The following MGAT5B variants were observed in gnomAD, a reference collection of about 807,000 sequenced individuals.
The protein encoded by MGAT5B is N-acetylglucosaminyl-transferase Vb.
A neutral mutation model predicts 95.1 loss-of-function variants in MGAT5B; 54 were observed. That is an observed-to-expected ratio of 0.57 (90% CI 0.46 to 0.71). MGAT5B has a LOEUF of 0.71. MGAT5B is among the 30% of genes least tolerant of loss of function. The probability of loss-of-function intolerance (pLI) is 0.00; values close to 1 mark genes in which losing one functional copy is unlikely to be tolerated. For synonymous variants in MGAT5B, 464 were observed against 451.0 expected (o/e 1.03, Z -0.36); for missense variants, 935 against 1,088.6 (o/e 0.86, Z 1.99).
chr17:76,875,280 G>A (rs942401040), intron 2 of MGAT5B, among the ~76,000 whole-genome samples: 5 of 152,136 alleles, frequency 3.3e-5, no homozygotes, highest in Non-Finnish European at 7.3e-5. Flanking sequence ...GACCCTGTGG[G>A]AGGTAATTGA....
intron 2 of MGAT5B, among the ~76,000 whole-genome samples, chr17:76,879,040 G>A (rs750716323): frequency 6.6e-6 from 1 of 152,206 alleles, no homozygotes; most frequent in Admixed American, 6.5e-5. Flanking sequence ...TGCTGCTGCT[G>A]CAGCCTCCAC....
chr17:76,911,454 G>C (rs1400832485), intron 8 of MGAT5B, among the ~76,000 whole-genome samples: 7 of 152,330 alleles, frequency 4.6e-5, no homozygotes, highest in African/African-American at 1.4e-4. Flanking sequence ...GTGGCTTAGT[G>C]GGGGGTTGGG....
At chr17:76,885,984 C>T (rs1356788809) in intron 3 of MGAT5B, among the ~76,000 whole-genome samples, 10 of 152,164 alleles carry the variant, frequency 6.6e-5, no homozygotes, top group Admixed American at 6.5e-4. Context: ...TTCCTCAGCC[C>T]TTTTGGAAGC....
chr17:76,913,781 C>A, intron 8 of MGAT5B: 1 of 468,990 alleles, frequency 2.1e-6, no homozygotes, highest in South Asian at 1.5e-5. Flanking sequence ...CATTGAAAAG[C>A]CAAGTAAGAA....
At chr17:76,909,984 G>T (rs556071495) in intron 8 of MGAT5B, among the ~76,000 whole-genome samples, 7 of 152,198 alleles carry the variant, frequency 4.6e-5, no homozygotes, top group African/African-American at 1.7e-4. Flanking sequence ...CACGCCTGTG[G>T]CTGTGTTGAG....
At position 76,903,309 on chromosome 17, in the gene MGAT5B, A is replaced by G. The variant is rs1461198013; in HGVS notation, c.452A>G (p.Glu151Gly). 1 of 1,610,610 alleles carries G rather than the reference A, an allele frequency of 6.2e-7. No homozygotes were observed. Among genetic ancestry groups the G allele is most frequent in the South Asian group, 1.1e-5 (1 of 90,296 alleles). The stretch of plus-strand genomic sequence containing the variant: ...AGGTGACCTCTCCCTACAGTGTCAG[A>G]AGGCCGGCGGGACCAGTGTGAGGCA... ...HSLLLHSKVS[E>G]GRRDQCEAPS... The change falls in exon 5 of 18, where the codon GAA becomes GGA. Residue 151 changes from glutamate to glycine, a missense_variant. Coordinates refer to ENST00000569840, the MANE Select transcript of MGAT5B (RefSeq NM_001199172.2).
In MGAT5B at chr17:76,938,241, A is replaced by C; in HGVS notation, c.1584+98A>C. On this transcript the variant is annotated intron_variant, in intron 13 of 17. Coordinates refer to ENST00000569840, the MANE Select transcript of MGAT5B (RefSeq NM_001199172.2). The surrounding 1 kb of genome is among the most constrained non-coding windows in gnomAD (Gnocchi z 4.3). ...ACCACCACTCAGGCCCCTTCCACAT[A>C]TGGACATACCCCAGCATGCTCTGCT... The C allele has an allele frequency of 6.9e-7, 1 of 1,456,460 alleles. No individual in the cohort carries two copies. The highest frequency in any genetic ancestry group is 9.4e-7 in the Non-Finnish European group (1 of 1,062,566). 90.2% of individuals were successfully genotyped at this position (1,456,460 alleles called of 1,614,324 possible).
chr17:76,921,372 C>T (rs577978158), intron 8 of MGAT5B, among the ~76,000 whole-genome samples: 2 of 152,340 alleles, frequency 1.3e-5, no homozygotes, highest in African/African-American at 4.8e-5. Flanking sequence ...ATATTCCTCC[C>T]TTTCTTCTGG....
At chr17:76,927,692 G>C (rs1199038205) in intron 10 of MGAT5B, among the ~76,000 whole-genome samples, 1 of 152,254 alleles carries the variant, frequency 6.6e-6, no homozygotes, top group African/African-American at 2.4e-5. Flanking sequence ...GGACGGCAGA[G>C]GTGTGCGGAG....
At position 76,897,877 on chromosome 17, in the gene MGAT5B, G is replaced by A. The variant is rs1380074636; in HGVS notation, c.330-4678G>A. ...TTGAGACCAGCCTGGCCAACATGGT[G>A]AAACCCTGTCTCTACTAAAAATACA... On this transcript the variant is annotated intron_variant, in intron 3 of 17. Coordinates refer to ENST00000569840, the MANE Select transcript of MGAT5B (RefSeq NM_001199172.2). Among the ~76,000 whole-genome samples, 98 of 151,254 alleles carry A rather than the reference G, an allele frequency of 6.5e-4. 1 individual carries two copies. Among genetic ancestry groups the A allele is most frequent in the African/African-American group, 2.3e-3 (94 of 41,286 alleles).
rs1180084632 is a variant in MGAT5B at position 76,938,986 on chromosome 17, C to T, written c.1584+843C>T. Reference sequence around the variant, plus strand: ...GAGCCACTGCACCTGGCCCCAGGCCCTCTCTTGATCTCACCATAGCTTGTT... The same window carrying T: ...GAGCCACTGCACCTGGCCCCAGGCCTTCTCTTGATCTCACCATAGCTTGTT... On this transcript the variant is annotated intron_variant, in intron 13 of 17. Transcript: ENST00000569840. The surrounding 1 kb of genome is among the most constrained non-coding windows in gnomAD (Gnocchi z 4.3). 6.6e-6 allele frequency among the ~76,000 whole-genome samples: 1 copy of T among 151,146 alleles called. No individual in the cohort carries two copies. The highest frequency in any genetic ancestry group is 6.6e-5 in the Admixed American group (1 of 15,162).
intron 8 of MGAT5B, among the ~76,000 whole-genome samples, chr17:76,924,650 C>T (rs1969239590): frequency 6.6e-6 from 1 of 152,216 alleles, no homozygotes; most frequent in South Asian, 2.1e-4. Flanking sequence ...GAGAAAGGCT[C>T]CCTCTCTGGG....
chr17:76,895,435 C>T (rs1477298191), intron 3 of MGAT5B, among the ~76,000 whole-genome samples: 1 of 152,154 alleles, frequency 6.6e-6, no homozygotes, highest in Non-Finnish European at 1.5e-5. Context: ...TCCACGAAAC[C>T]AGTCCTGGGT....
At position 76,886,903 on chromosome 17, in the gene MGAT5B, G is replaced by A. The variant is rs372371752; in HGVS notation, c.329+4605G>A. Among the ~76,000 whole-genome samples the A allele has an allele frequency of 3.9e-5, 6 of 152,268 alleles. No homozygotes were observed. The South Asian group carries it at 1.0e-3, about 26-fold the overall frequency. On this transcript the variant is annotated intron_variant, in intron 3 of 17. Coordinates refer to ENST00000569840, the MANE Select transcript of MGAT5B (RefSeq NM_001199172.2). ...TACTAAAAGTACAAAAATTAGCCAG[G>A]CGTGGTGGCACATGCCTGTAGTCTC... is the stretch of plus-strand genomic sequence containing the variant.
At chr17:76,920,546 G>C (rs531882310) in intron 8 of MGAT5B, among the ~76,000 whole-genome samples, 1 of 152,300 alleles carries the variant, frequency 6.6e-6, no homozygotes, top group East Asian at 1.9e-4. Context: ...CTGCTCTCCA[G>C]GGGGTGAGGC....
intron 3 of MGAT5B, 108 bp downstream of exon 3, chr17:76,882,406 G>T: frequency 1.3e-5 from 17 of 1,340,276 alleles, no homozygotes; most frequent in Non-Finnish European, 1.5e-5. Context: ...AGAAGATTTG[G>T]ACCACACTGT....
chr17:76,911,485 G>T (rs1968734737), intron 8 of MGAT5B, among the ~76,000 whole-genome samples: 1 of 152,222 alleles, frequency 6.6e-6, no homozygotes, highest in African/African-American at 2.4e-5. Flanking sequence ...ACCCTGTGGA[G>T]GTGGCCCAGA....
Position 76,917,858 on chromosome 17 carries a change from G to A in MGAT5B, c.1026-7108G>A, listed in dbSNP as rs1968991797. ...CCTCGGGGTGGCCTGAGCACCAGGAGCTAAAGCCTGGATGAGAAAACCTGG... is the reference window on the plus strand; with the variant it reads ...CCTCGGGGTGGCCTGAGCACCAGGAACTAAAGCCTGGATGAGAAAACCTGG... On this transcript the variant is annotated intron_variant, in intron 8 of 17. Coordinates refer to ENST00000569840, the MANE Select transcript of MGAT5B (RefSeq NM_001199172.2). The surrounding 1 kb of genome is among the most constrained non-coding windows in gnomAD (Gnocchi z 6.1). Among the ~76,000 whole-genome samples, 1 of 152,216 alleles carries A rather than the reference G, an allele frequency of 6.6e-6. No individual in the cohort carries two copies. Among genetic ancestry groups the A allele is most frequent in the African/African-American group, 2.4e-5 (1 of 41,466 alleles).
At chr17:76,902,376 G>T (rs904439818) in intron 3 of MGAT5B, among the ~76,000 whole-genome samples, 179 bp from the exon 4 acceptor site, 5 of 152,182 alleles carry the variant, frequency 3.3e-5, no homozygotes, top group Non-Finnish European at 5.9e-5. Context: ...GGGGTGGGCT[G>T]CCAGCTCCAT....
Sources: allele counts gnomAD v4.1 joint callset (sites outside exome capture counted in the v4.1 genomes callset), GRCh38; gene constraint gnomAD v4.1.1; non-coding constraint Gnocchi (gnomAD v3.1); transcripts MANE v1.5; gene names NCBI Gene and HGNC (gene_info 2026-07-23, HGNC 2026-07-21).